MUSK: variants seen among roughly 807,000 people sequenced by gnomAD.
The protein encoded by MUSK is muscle associated receptor tyrosine kinase, also known as muscle, skeletal receptor tyrosine-protein kinase.
MUSK carries 55 observed loss-of-function variants against 88.7 expected under a neutral mutation model. The observed-to-expected ratio is 0.62, with a 90% CI of 0.50 to 0.78. The LOEUF is 0.78. MUSK is among the 30% of genes least tolerant of loss of function. MUSK has a pLI of 0.00. For missense variants in MUSK, 1,015 were observed against 1,074.3 expected (o/e 0.94, Z 0.77); for synonymous variants, 387 against 391.9 (o/e 0.99, Z 0.15).
At chr9:110,734,521 G>C in intron 6 of MUSK, 146 bp downstream of exon 6, 1 of 1,054,614 alleles carries the variant, frequency 9.5e-7, no homozygotes, top group Middle Eastern at 2.3e-4. Context: ...CTTTGTCCTA[G>C]AAGCCATTGC....
At chr9:110,764,413 G>A (rs1429795693) in intron 8 of MUSK, among the ~76,000 whole-genome samples, 1 of 152,152 alleles carries the variant, frequency 6.6e-6, no homozygotes, top group African/African-American at 2.4e-5. Context: ...AGATTTAGGG[G>A]TTTGAGGGAC....
intron 14 of MUSK, among the ~76,000 whole-genome samples, chr9:110,790,242 A>T (rs780248554): frequency 1.3e-4 from 19 of 151,376 alleles, no homozygotes; most frequent in Non-Finnish European, 2.1e-4. Flanking sequence ...TAACCCCGAG[A>T]AGAGAGGTTT....
In MUSK at chr9:110,761,576, T is replaced by TC. The variant is rs1395236665; in HGVS notation, c.914-626_914-625insC. 9.0e-4 allele frequency among the ~76,000 whole-genome samples: 117 copies of TC among 130,652 alleles called. 1 individual carries two copies. The highest frequency in any genetic ancestry group is 7.1e-4 in the Non-Finnish European group (43 of 60,632). The allele number at this position is 130,652 out of a possible 152,430, so 85.7% of individuals were successfully genotyped here. The stretch of plus-strand genomic sequence containing the variant: ...TAACCTCCACATCTTGCTTTTTTTT[T>TC]TTTTTTTTTTTTTTTTTGAGACGGA... On this transcript the variant is annotated intron_variant, in intron 7 of 14. Transcript: ENST00000374448.
chr9:110,683,038 T>C (rs2076152706), intron 2 of MUSK, among the ~76,000 whole-genome samples: 1 of 152,092 alleles, frequency 6.6e-6, no homozygotes, highest in South Asian at 2.1e-4. Context: ...TTGACTATAG[T>C]CACTCTGTTG....
chr9:110,800,204 C>T, intron 14 of MUSK, 102 bp from the exon 15 acceptor site: 2 of 1,038,432 alleles, frequency 1.9e-6, no homozygotes, highest in Non-Finnish European at 2.8e-6. Context: ...CAACAAAAAA[C>T]AGGGCTTCAT....
At chr9:110,681,029 T>TA (rs1564209366) in intron 1 of MUSK, among the ~76,000 whole-genome samples, 1 of 10,824 alleles carries the variant, frequency 9.2e-5, no homozygotes, top group Admixed American at 7.2e-4. Context: ...ATATTATATA[T>TA]TATATATTAT....
At chr9:110,787,396 A>ATGATAATCC (rs2077891692) in intron 13 of MUSK, among the ~76,000 whole-genome samples, 1 of 151,224 alleles carries the variant, frequency 6.6e-6, no homozygotes, top group Non-Finnish European at 1.5e-5. Context: ...TAGGATGGCA[A>ATGATAATCC]TGATAATCCT....
At chr9:110,718,548 A>T (rs976706171) in intron 5 of MUSK, among the ~76,000 whole-genome samples, 2 of 152,166 alleles carry the variant, frequency 1.3e-5, no homozygotes, top group Non-Finnish European at 2.9e-5. Flanking sequence ...AATAATTTTT[A>T]AAAATGGACA....
chr9:110,706,721 G>A (rs78705302), intron 5 of MUSK, among the ~76,000 whole-genome samples: 331 of 152,214 alleles, frequency 2.2e-3, no homozygotes, highest in African/African-American at 7.6e-3. Context: ...CTAGACCAGA[G>A]GGCCAACCAT....
At chr9:110,670,074 T>C (rs2075937931) in intron 1 of MUSK, among the ~76,000 whole-genome samples, 1 of 139,656 alleles carries the variant, frequency 7.2e-6, no homozygotes, top group Non-Finnish European at 1.5e-5. Context: ...AAGATGCGGG[T>C]TTCTTCACAA....
chr9:110,734,477 C>A, intron 6 of MUSK, 102 bp downstream of exon 6: 1 of 1,429,632 alleles, frequency 7.0e-7, no homozygotes, highest in South Asian at 1.3e-5. Context: ...TGTCATTGGT[C>A]TCACCTACAC....
chr9:110,728,017 T>C (rs997174375), intron 5 of MUSK, among the ~76,000 whole-genome samples: 4 of 152,270 alleles, frequency 2.6e-5, no homozygotes, highest in South Asian at 2.1e-4. Context: ...CTAGGATTTT[T>C]AAACATTTAT....
At chr9:110,756,662 G>A (rs567914914) in intron 7 of MUSK, among the ~76,000 whole-genome samples, 1 of 152,204 alleles carries the variant, frequency 6.6e-6, no homozygotes, top group South Asian at 2.1e-4. Context: ...TATCATTCAA[G>A]AATGAGAAGA....
At chr9:110,706,423 G>A (rs1405793562) in intron 5 of MUSK, among the ~76,000 whole-genome samples, 1 of 152,020 alleles carries the variant, frequency 6.6e-6, no homozygotes, top group African/African-American at 2.4e-5. Flanking sequence ...AGACAATTTT[G>A]TCTGCTTCTC....
In MUSK at chr9:110,805,068, A is replaced by G. The variant is rs987895828; in HGVS notation, c.*4080A>G. ...AATAGTATTATACAGATTTATCGTAATTGACATAACTATTCTACTGTTAGA... is the reference window on the plus strand; with the variant it reads ...AATAGTATTATACAGATTTATCGTAGTTGACATAACTATTCTACTGTTAGA... On this transcript the variant is annotated 3_prime_UTR_variant, in exon 15 of 15. Transcript: ENST00000374448. 6.6e-6 allele frequency among the ~76,000 whole-genome samples: 1 copy of G among 151,958 alleles called. No homozygotes were observed. The highest frequency in any genetic ancestry group is 2.4e-5 in the African/African-American group (1 of 41,464).
At chr9:110,672,824 T>A (rs1054297877) in intron 1 of MUSK, among the ~76,000 whole-genome samples, 2 of 152,260 alleles carry the variant, frequency 1.3e-5, no homozygotes, top group African/African-American at 4.8e-5. Context: ...AGTTGGTAAG[T>A]CAATAGTCAT....
Position 110,682,592 on chromosome 9 carries a change from T to C in MUSK, c.80-82T>C, listed in dbSNP as rs1401592241. 3.9e-5 allele frequency: 53 copies of C among 1,365,578 alleles called. No homozygotes were observed. In the East Asian group the frequency reaches 1.2e-3, roughly 31 times the overall value. The allele number at this position is 1,365,578 out of a possible 1,614,324, so 84.6% of individuals were successfully genotyped here. A position where few individuals can be genotyped will look rare whatever the true frequency, so the allele number is the denominator to read the frequency against. On this transcript the variant is annotated intron_variant, in intron 1 of 14. Transcript: ENST00000374448. ...GGGAAACAGAATTCTCATTCAGGTA[T>C]GTAATGGCTTCTGACTGCTTAAGGA...
chr9:110,741,702 T>G (rs77798024), intron 6 of MUSK, among the ~76,000 whole-genome samples: 1 of 152,228 alleles, frequency 6.6e-6, no homozygotes, highest in African/African-American at 2.4e-5. Flanking sequence ...AATTTGTTAA[T>G]AAAATTGTTT....
chr9:110,772,964 G>T (rs1433655006), intron 9 of MUSK, among the ~76,000 whole-genome samples: 1 of 151,828 alleles, frequency 6.6e-6, no homozygotes, highest in Non-Finnish European at 1.5e-5. Context: ...CTAATTATTA[G>T]GTTGGTACAA....
Sources: gnomAD v4.1 joint callset for allele counts (sites outside exome capture counted in the v4.1 genomes callset) on GRCh38, gnomAD v4.1.1 for gene constraint, MANE v1.5 for transcripts, NCBI Gene and HGNC (gene_info 2026-07-23, HGNC 2026-07-21) for gene names.